Variants in COL8A1 observed in about 807,000 individuals in gnomAD.
The protein encoded by COL8A1 is collagen alpha-1(VIII) chain.
COL8A1 carries 21 observed loss-of-function variants against 42.7 expected under a neutral mutation model. The ratio of observed to expected loss-of-function variants is 0.49; its 90% CI spans 0.35 to 0.71. COL8A1 has a LOEUF of 0.71. Among genes scored for constraint, COL8A1 ranks in the 30% least tolerant of loss-of-function variants. The pLI, the probability that COL8A1 is intolerant of heterozygous loss-of-function variation, is 0.01. For synonymous variants in COL8A1, 367 were observed against 369.1 expected (o/e 0.99, Z 0.06); for missense variants, 788 against 962.4 (o/e 0.82, Z 2.40).
rs562632414 is a variant in COL8A1, at chr3:99,790,813, T to C, written c.131T>C (p.Met44Thr). 8.7e-6 allele frequency: 14 copies of C among 1,614,228 alleles called. No individual in the cohort carries two copies. Among genetic ancestry groups the C allele is most frequent in the South Asian group, 7.7e-5 (7 of 91,084 alleles). ...KPLPPQIPPQ[M>T]PPQIPQYQPL... ...CTGCCACCTCAAATTCCTCCTCAGA[T>C]GCCACCACAAATTCCACAATACCAG... is the stretch of plus-strand genomic sequence containing the variant. Residue 44 changes from methionine to threonine, a missense_variant, in exon 3 of 4, where the codon ATG becomes ACG. Transcript: ENST00000652472.
At chr3:99,736,879 A>C (rs568778206) in intron 1 of COL8A1, among the ~76,000 whole-genome samples, 1 of 152,268 alleles carries the variant, frequency 6.6e-6, no homozygotes, top group Non-Finnish European at 1.5e-5. Flanking sequence ...GTCTCTTTGT[A>C]GGTCATTCAG....
chr3:99,732,038 C>A (rs1461891278), intron 1 of COL8A1, among the ~76,000 whole-genome samples: 6 of 152,222 alleles, frequency 3.9e-5, no homozygotes, highest in African/African-American at 1.4e-4. Flanking sequence ...TTTTCTAGAA[C>A]CCTCAGAGGG....
At chr3:99,659,380 G>A (rs766857495) in intron 1 of COL8A1, among the ~76,000 whole-genome samples, 11 of 152,098 alleles carry the variant, frequency 7.2e-5, no homozygotes, top group Non-Finnish European at 1.6e-4. Context: ...ATCCATCTGT[G>A]CATTCTCTCT....
chr3:99,659,752 A>G (rs1479642510), intron 1 of COL8A1, among the ~76,000 whole-genome samples: 1 of 152,174 alleles, frequency 6.6e-6, no homozygotes, highest in Non-Finnish European at 1.5e-5. Flanking sequence ...ATAATCTGCC[A>G]TGCTCAAAAT....
At chr3:99,649,449 C>T (rs548583629) in intron 1 of COL8A1, among the ~76,000 whole-genome samples, 1 of 152,232 alleles carries the variant, frequency 6.6e-6, no homozygotes, top group South Asian at 2.1e-4. Context: ...TTGTGCTACT[C>T]TCTGTCCCCA....
chr3:99,736,295 A>C (rs923593800), intron 1 of COL8A1, among the ~76,000 whole-genome samples: 2 of 152,154 alleles, frequency 1.3e-5, no homozygotes, highest in African/African-American at 4.8e-5. Flanking sequence ...ATTTAGTGCT[A>C]TAAATTTCCC....
At chr3:99,726,679 C>T (rs1344340467) in intron 1 of COL8A1, among the ~76,000 whole-genome samples, 2 of 152,012 alleles carry the variant, frequency 1.3e-5, no homozygotes, top group Non-Finnish European at 2.9e-5. Context: ...ATCCTTTCCC[C>T]ATTGCTTGTT....
intron 2 of COL8A1, among the ~76,000 whole-genome samples, chr3:99,766,766 A>G (rs1257891458): frequency 6.6e-6 from 1 of 152,168 alleles, no homozygotes; most frequent in African/African-American, 2.4e-5. Flanking sequence ...CCTGACCAAC[A>G]TGGAGAAACC....
chr3:99,669,151 G>GTATATATA (rs1559773186), intron 1 of COL8A1, among the ~76,000 whole-genome samples: 1 of 114,048 alleles, frequency 8.8e-6, no homozygotes, highest in Admixed American at 9.3e-5. Flanking sequence ...ATATATAGAG[G>GTATATATA]GAGAGAGAGA....
In COL8A1 at chr3:99,715,944, A is replaced by G. The variant is rs568777609; in HGVS notation, c.-128-28953A>G. Reference sequence around the variant, plus strand: ...CCCTATTTCATGGAGTCTGTGACAGAGAATTAAAAGGTCTTACGCCTTCAC... The same window carrying G: ...CCCTATTTCATGGAGTCTGTGACAGGGAATTAAAAGGTCTTACGCCTTCAC... On this transcript the variant is annotated intron_variant, in intron 1 of 3. Transcript: ENST00000652472. Among the ~76,000 whole-genome samples the G allele has an allele frequency of 2.6e-5, 4 of 152,184 alleles. No individual in the cohort carries two copies. The South Asian group carries it at 8.3e-4, about 31-fold the overall frequency.
chr3:99,798,706 A>G lies in COL8A1; in HGVS notation c.*2570A>G, dbSNP rs181041085. ...TGTGTATTATCAGACATAGGTTTCT[A>G]ACTTTTAGATAGAAGAGGAGCAACA... On this transcript the variant is annotated 3_prime_UTR_variant, in exon 4 of 4. Coordinates refer to ENST00000652472, the MANE Select transcript of COL8A1 (RefSeq NM_020351.4). 188 of 152,326 alleles carry G rather than the reference A, an allele frequency of 1.2e-3. No individual in the cohort carries two copies. The highest frequency in any genetic ancestry group is 4.1e-3 in the African/African-American group (170 of 41,584). 9.4% of individuals were successfully genotyped at this position (152,326 alleles called of 1,614,324 possible). A position where few individuals can be genotyped will look rare whatever the true frequency, so the allele number is the denominator to read the frequency against.
At chr3:99,688,999 A>T (rs1290781239) in intron 1 of COL8A1, among the ~76,000 whole-genome samples, 3 of 152,186 alleles carry the variant, frequency 2.0e-5, no homozygotes, top group African/African-American at 4.8e-5. Context: ...TGTCCCATAG[A>T]TGGACAAAAA....
In COL8A1 at chr3:99,713,226, A is replaced by C. The variant is rs139046937; in HGVS notation, c.-128-31671A>C. Among the ~76,000 whole-genome samples, 25 of 152,238 alleles carry C rather than the reference A, an allele frequency of 1.6e-4. 1 individual carries two copies. The highest frequency in any genetic ancestry group is 3.1e-4 in the Non-Finnish European group (21 of 67,998). On this transcript the variant is annotated intron_variant, in intron 1 of 3. Transcript: ENST00000652472. ...AAATTCAAGTAACTTGCCCAAGTTC[A>C]CACAAGTAGTAAAGATAAAGCCAGA...
At chr3:99,650,574 A>G (rs970260301) in intron 1 of COL8A1, among the ~76,000 whole-genome samples, 1 of 152,056 alleles carries the variant, frequency 6.6e-6, no homozygotes, top group African/African-American at 2.4e-5. Context: ...AGCTGGGACT[A>G]CAGGTGCACG....
intron 1 of COL8A1, among the ~76,000 whole-genome samples, chr3:99,667,424 A>G (rs1406382873): frequency 1.3e-5 from 2 of 152,150 alleles, no homozygotes; most frequent in Non-Finnish European, 1.5e-5. Context: ...CTACTTAAAC[A>G]AGTGGGGTTT....
At chr3:99,721,046 G>C (rs114015060) in intron 1 of COL8A1, among the ~76,000 whole-genome samples, 2,680 of 151,834 alleles carry the variant, frequency 0.018, 40 homozygotes, top group Non-Finnish European at 0.026. Flanking sequence ...AAGATGAAAG[G>C]GCTGATGGAG....
intron 2 of COL8A1, among the ~76,000 whole-genome samples, chr3:99,783,549 C>T (rs967215170): frequency 1.1e-4 from 16 of 152,272 alleles, no homozygotes; most frequent in Admixed American, 1.0e-3. Flanking sequence ...TTTATTTGGG[C>T]TATTAGTCCA....
At chr3:99,731,730 G>A (rs568611103) in intron 1 of COL8A1, among the ~76,000 whole-genome samples, 198 of 152,242 alleles carry the variant, frequency 1.3e-3, no homozygotes, top group Non-Finnish European at 2.5e-3. Context: ...CTCAAGATCT[G>A]ACTATGGTAT....
chr3:99,715,315 A>G (rs1363692677), intron 1 of COL8A1, among the ~76,000 whole-genome samples: 1 of 152,078 alleles, frequency 6.6e-6, no homozygotes, highest in Non-Finnish European at 1.5e-5. Flanking sequence ...GGCTTGGACT[A>G]TTAGTGAAGA....
Sources: gnomAD v4.1 joint callset for allele counts (sites outside exome capture counted in the v4.1 genomes callset) on GRCh38, gnomAD v4.1.1 for gene constraint, MANE v1.5 for transcripts, NCBI Gene and HGNC (gene_info 2026-07-23, HGNC 2026-07-21) for gene names.